Variants in WDFY3 observed in about 807,000 individuals in gnomAD.
WDFY3 encodes the protein WD repeat and FYVE domain containing 3.
In WDFY3, 66 loss-of-function variants were observed where a neutral mutation model predicts 409.6. The observed-to-expected ratio is 0.16, with a 90% CI of 0.13 to 0.20. The LOEUF (loss-of-function observed/expected upper bound fraction) is 0.20, where lower values mean the gene tolerates loss of function less well. WDFY3 is among the 10% of genes least tolerant of loss of function. The pLI, the probability that WDFY3 is intolerant of heterozygous loss-of-function variation, is 1.00. For missense variants in WDFY3, 3,031 were observed against 4,298.1 expected, an observed-to-expected ratio of 0.71 and a Z score of 8.24; for synonymous variants, 1,521 against 1,537.1, an observed-to-expected ratio of 0.99 and a Z score of 0.25.
chr4:84,895,689 C>G (rs1206479685), intron 3 of WDFY3, among the ~76,000 whole-genome samples: 2 of 152,120 alleles, frequency 1.3e-5, no homozygotes, highest in East Asian at 3.8e-4. Context: ...ATAGATGTAT[C>G]TTAATGATGC....
chr4:84,880,896 A>AT (rs1279341081), intron 3 of WDFY3, among the ~76,000 whole-genome samples: 4 of 149,466 alleles, frequency 2.7e-5, no homozygotes, highest in African/African-American at 9.9e-5. Context: ...TTATTTATTT[A>AT]TTTTTTAGTA....
rs572673153 is a variant in WDFY3, at chr4:84,704,605, C to A, written c.8336-161G>T. ...GCAGGAAAACTTCAGGACACCACTA[C>A]CCCTCTCTTCTATATTTGACAGTAG... On this transcript the variant is annotated intron_variant, in intron 54 of 67. Transcript: ENST00000295888. Among the ~76,000 whole-genome samples the A allele has an allele frequency of 1.0e-3, 159 of 152,312 alleles. 1 individual carries two copies. Among genetic ancestry groups the A allele is most frequent in the Non-Finnish European group, 1.9e-3 (127 of 68,030 alleles).
chr4:84,806,777 T>G (rs921665299), intron 15 of WDFY3, among the ~76,000 whole-genome samples: 5 of 151,940 alleles, frequency 3.3e-5, no homozygotes, highest in African/African-American at 7.2e-5. Flanking sequence ...GGCCAATTTT[T>G]TTTTTTGTAT....
At chr4:84,900,372 C>T (rs1561035615) in intron 2 of WDFY3, among the ~76,000 whole-genome samples, 1 of 152,074 alleles carries the variant, frequency 6.6e-6, no homozygotes, top group African/African-American at 2.4e-5. Context: ...ATTACAGACA[C>T]AACACCACAA....
In WDFY3 at chr4:84,814,441, A is replaced by G. The variant is rs150932381; in HGVS notation, c.1887+2951T>C. Among the ~76,000 whole-genome samples the G allele has an allele frequency of 6.1e-3, 927 of 152,278 alleles. 12 individuals carry two copies. The highest frequency in any genetic ancestry group is 0.021 in the African/African-American group (875 of 41,544). On this transcript the variant is annotated intron_variant, in intron 13 of 67. Transcript: ENST00000295888. ...CCTTCGTTTTAGTTACCTGTGCTCAAACTTGGCCTAAAAATATTGAATGAA... is the reference window on the plus strand; with the variant it reads ...CCTTCGTTTTAGTTACCTGTGCTCAGACTTGGCCTAAAAATATTGAATGAA...
chr4:84,834,323 T>G (rs951027035), intron 7 of WDFY3, among the ~76,000 whole-genome samples: 2 of 152,202 alleles, frequency 1.3e-5, no homozygotes, highest in Admixed American at 6.5e-5. Flanking sequence ...GATCCTTTCA[T>G]TTTTACAGAA....
chr4:84,924,803 A>C (rs1170693389), intron 2 of WDFY3, among the ~76,000 whole-genome samples: 1 of 152,160 alleles, frequency 6.6e-6, no homozygotes, highest in African/African-American at 2.4e-5. Flanking sequence ...TCTGCTTCTA[A>C]AACTTTTCCT....
chr4:84,826,657 TAAG>T (rs1334189107), intron 10 of WDFY3, among the ~76,000 whole-genome samples, 155 bp downstream of exon 10: 4 of 152,032 alleles, frequency 2.6e-5, no homozygotes, highest in Non-Finnish European at 5.9e-5. Context: ...GGTTATTACT[TAAG>T]AAATACTTAA....
rs541774508 is a variant in WDFY3, at chr4:84,677,039, T to C, written c.10457+160A>G. On this transcript the variant is annotated intron_variant, in intron 67 of 67. Coordinates refer to ENST00000295888, the MANE Select transcript of WDFY3 (RefSeq NM_014991.6). ...TTGTATGACAGAAAAATTTCCTAAT[T>C]GTAGTAATAAAGAAGAACAGAAAAA... Among the ~76,000 whole-genome samples, 21 of 152,216 alleles carry C rather than the reference T, an allele frequency of 1.4e-4. No individual in the cohort carries two copies. In the South Asian group the frequency reaches 4.1e-3, roughly 30 times the overall value.
chr4:84,957,495 T>C (rs1190024007), intron 1 of WDFY3, among the ~76,000 whole-genome samples: 1 of 152,188 alleles, frequency 6.6e-6, no homozygotes, highest in Non-Finnish European at 1.5e-5. Flanking sequence ...GTACTTAATA[T>C]ATCTCAATGT....
At chr4:84,676,120 A>G (rs1432177342) in intron 67 of WDFY3, among the ~76,000 whole-genome samples, 2 of 152,192 alleles carry the variant, frequency 1.3e-5, no homozygotes, top group Non-Finnish European at 2.9e-5. Flanking sequence ...AAAAACATAT[A>G]CAAAGTTGAA....
chr4:84,819,402 C>T (rs924311749), intron 12 of WDFY3, among the ~76,000 whole-genome samples: 1 of 151,994 alleles, frequency 6.6e-6, no homozygotes. Context: ...AGCTCCTTAC[C>T]ATGGCCTAAA....
At chr4:84,864,438 A>G (rs546136957) in intron 3 of WDFY3, among the ~76,000 whole-genome samples, 4 of 152,232 alleles carry the variant, frequency 2.6e-5, no homozygotes, top group African/African-American at 9.6e-5. Context: ...CTTAATCTAC[A>G]GATCATTTTC....
intron 57 of WDFY3, 62 bp downstream of exon 57, chr4:84,696,670 T>C: frequency 1.3e-6 from 2 of 1,544,058 alleles, no homozygotes; most frequent in Non-Finnish European, 1.8e-6. Context: ...AGGCCCTGTC[T>C]TTGTATTATG....
At chr4:84,683,867 A>G in intron 63 of WDFY3, 76 bp downstream of exon 63, 2 of 1,463,120 alleles carry the variant, frequency 1.4e-6, no homozygotes, top group Non-Finnish European at 1.9e-6. Context: ...GGTGTTCTTA[A>G]CCTGTAATTA....
At chr4:84,699,135 C>T (rs185193248) in intron 56 of WDFY3, among the ~76,000 whole-genome samples, 29 of 151,620 alleles carry the variant, frequency 1.9e-4, no homozygotes, top group Non-Finnish European at 3.4e-4. Flanking sequence ...CACAATGTTA[C>T]GCAACCACGA....
chr4:84,733,651 G>A (rs1160349286), intron 43 of WDFY3, 42 bp from the exon 44 acceptor site: 2 of 1,552,302 alleles, frequency 1.3e-6, no homozygotes, highest in African/African-American at 1.4e-5. Context: ...GCAAAAGCAG[G>A]AGTAACAGTA....
intron 19 of WDFY3, among the ~76,000 whole-genome samples, chr4:84,795,420 A>G (rs1362192112): frequency 2.0e-5 from 3 of 152,176 alleles, no homozygotes; most frequent in Admixed American, 1.3e-4. Flanking sequence ...AGAGGTTTCA[A>G]TCAATATAAG....
intron 19 of WDFY3, 23 bp downstream of exon 19, chr4:84,796,498 T>G: frequency 6.7e-7 from 1 of 1,498,006 alleles, no homozygotes; most frequent in Non-Finnish European, 9.0e-7. Flanking sequence ...CCATAAAGGT[T>G]GGCTTCCTTG....
Sources: gnomAD v4.1 joint callset for allele counts (sites outside exome capture counted in the v4.1 genomes callset) on GRCh38, gnomAD v4.1.1 for gene constraint, MANE v1.5 for transcripts, NCBI Gene and HGNC (gene_info 2026-07-23, HGNC 2026-07-21) for gene names.